MSI2: variants seen among roughly 807,000 people sequenced by gnomAD.
MSI2 encodes RNA-binding protein Musashi homolog 2.
A neutral mutation model predicts 45.6 loss-of-function variants in MSI2; 17 were observed. The observed-to-expected ratio is 0.37, with a 90% CI of 0.26 to 0.56. The LOEUF (loss-of-function observed/expected upper bound fraction) is 0.56, where lower values mean the gene tolerates loss of function less well. MSI2 is among the 20% of genes least tolerant of loss of function. The pLI, the probability that MSI2 is intolerant of heterozygous loss-of-function variation, is 0.77. For missense variants in MSI2, 293 were observed against 444.2 expected (o/e 0.66, Z 3.06); for synonymous variants, 156 against 158.2 (o/e 0.99, Z 0.11).
intron 7 of MSI2, among the ~76,000 whole-genome samples, chr17:57,550,866 G>A (rs998253970): frequency 3.3e-5 from 5 of 152,180 alleles, no homozygotes; most frequent in Non-Finnish European, 7.3e-5. Context: ...ATTCGAGAGT[G>A]TTCTGAATGA....
intron 11 of MSI2, among the ~76,000 whole-genome samples, chr17:57,674,038 T>C (rs1004614507): frequency 2.0e-5 from 3 of 151,706 alleles, no homozygotes; most frequent in Non-Finnish European, 4.4e-5. Flanking sequence ...TGTAGAACCA[T>C]TGGCTTCCAC....
In MSI2 at chr17:57,610,750, G is replaced by A. The variant is rs1219201662; in HGVS notation, c.538-5220G>A. Reference sequence around the variant, plus strand: ...GTTTTGTTCTCTAAAGGAACATGCTGCTGCCCTAGGTGTCCAGGGGCTAGG... The same window carrying A: ...GTTTTGTTCTCTAAAGGAACATGCTACTGCCCTAGGTGTCCAGGGGCTAGG... On this transcript the variant is annotated intron_variant, in intron 8 of 13. Transcript: ENST00000284073. Among the ~76,000 whole-genome samples, 20 of 94,140 alleles carry A rather than the reference G, an allele frequency of 2.1e-4. 6 individuals carry two copies. Among genetic ancestry groups the A allele is most frequent in the African/African-American group, 6.6e-4 (20 of 30,078 alleles). The allele number at this position is 94,140 out of a possible 152,430, so 61.8% of individuals were successfully genotyped here.
At chr17:57,472,008 G>A (rs1261838171) in intron 6 of MSI2, among the ~76,000 whole-genome samples, 3 of 152,150 alleles carry the variant, frequency 2.0e-5, no homozygotes, top group Admixed American at 6.5e-5. Flanking sequence ...GGCTGAGGAC[G>A]GCAGAGCTGA....
intron 6 of MSI2, among the ~76,000 whole-genome samples, chr17:57,517,388 C>A (rs1414886040): frequency 2.4e-4 from 37 of 152,146 alleles, no homozygotes; most frequent in Non-Finnish European, 1.5e-5. Context: ...CAGAATTCTG[C>A]CTTGTGCCAG....
intron 13 of MSI2, among the ~76,000 whole-genome samples, chr17:57,677,583 G>T (rs1393306259): frequency 6.6e-6 from 1 of 152,174 alleles, no homozygotes; most frequent in Non-Finnish European, 1.5e-5. Context: ...CAGTCAAACA[G>T]CCAGACTCCA....
chr17:57,657,977 C>T (rs1911727592), intron 11 of MSI2, among the ~76,000 whole-genome samples: 1 of 152,228 alleles, frequency 6.6e-6, no homozygotes, highest in Non-Finnish European at 1.5e-5. Flanking sequence ...TGCACTGTTT[C>T]TGGCCTCAGA....
intron 8 of MSI2, among the ~76,000 whole-genome samples, chr17:57,597,679 T>C (rs1905391912): frequency 6.6e-6 from 1 of 152,180 alleles, no homozygotes; most frequent in Admixed American, 6.5e-5. Context: ...TCTTGGACTT[T>C]ACATAAACAG....
the MSI2 span, among the ~76,000 whole-genome samples, chr17:57,691,904 C>T: frequency 4.3e-4 from 65 of 152,286 alleles, no homozygotes; most frequent in African/African-American, 1.5e-3. Flanking sequence ...ATCCCTGACT[C>T]ATTCCCTATC....
intron 5 of MSI2, among the ~76,000 whole-genome samples, chr17:57,281,776 C>CT (rs1909442694): frequency 6.6e-6 from 1 of 152,172 alleles, no homozygotes; most frequent in East Asian, 1.9e-4. Context: ...AAAGGGCCTT[C>CT]TGGAGTAAAG....
At chr17:57,422,096 G>T (rs1240319165) in intron 6 of MSI2, among the ~76,000 whole-genome samples, 1 of 152,252 alleles carries the variant, frequency 6.6e-6, no homozygotes, top group East Asian at 1.9e-4. Context: ...TAAATACCAG[G>T]TATTTTAAAT....
intron 5 of MSI2, among the ~76,000 whole-genome samples, chr17:57,361,132 G>A (rs577529882): frequency 5.9e-5 from 9 of 152,140 alleles, no homozygotes; most frequent in Admixed American, 4.6e-4. Flanking sequence ...CAAGGGTTAC[G>A]GCCCCCCTGC....
In MSI2 at chr17:57,262,208, A is replaced by G. The variant is rs140648416; in HGVS notation, c.312+16A>G. 67 of 1,613,894 alleles carry G rather than the reference A, an allele frequency of 4.2e-5. No homozygotes were observed. In the African/African-American group the frequency reaches 8.5e-4, roughly 21 times the overall value. On this transcript the variant is annotated intron_variant, in intron 5 of 13. Coordinates refer to ENST00000284073, the MANE Select transcript of MSI2 (RefSeq NM_138962.4). ...GCAACCCAAGGTAAGTAGGAGAATA[A>G]ACAGTAGGATTTTAGCACTCAGAGA...
At chr17:57,668,444 GA>G (rs1912534838) in intron 11 of MSI2, among the ~76,000 whole-genome samples, 1 of 152,180 alleles carries the variant, frequency 6.6e-6, no homozygotes, top group South Asian at 2.1e-4. Flanking sequence ...CCCTACTTGA[GA>G]CAGGCCAACA....
chr17:57,525,250 A>C (rs989369441), intron 6 of MSI2, among the ~76,000 whole-genome samples: 1 of 151,772 alleles, frequency 6.6e-6, no homozygotes, highest in African/African-American at 2.4e-5. Flanking sequence ...GCTTACCTAA[A>C]TGTTACTTTA....
intron 7 of MSI2, among the ~76,000 whole-genome samples, chr17:57,582,871 A>G (rs567004153): frequency 5.9e-5 from 9 of 152,312 alleles, no homozygotes; most frequent in Admixed American, 4.6e-4. Context: ...AAGTCTGCAG[A>G]TATGAGAGCT....
At chr17:57,644,497 C>T (rs570673381) in intron 10 of MSI2, among the ~76,000 whole-genome samples, 16 of 152,166 alleles carry the variant, frequency 1.1e-4, no homozygotes, top group Admixed American at 7.2e-4. Context: ...CTGGTCTGCC[C>T]GGGAGGTGGG....
intron 6 of MSI2, among the ~76,000 whole-genome samples, chr17:57,472,473 A>G (rs986602293): frequency 6.7e-6 from 1 of 149,526 alleles, no homozygotes; most frequent in African/African-American, 2.5e-5. Context: ...GGGAGGGGCA[A>G]TGCCTTCTGA....
At chr17:57,384,119 A>C (rs541095248) in intron 5 of MSI2, among the ~76,000 whole-genome samples, 1 of 152,200 alleles carries the variant, frequency 6.6e-6, no homozygotes, top group Non-Finnish European at 1.5e-5. Context: ...TGTTATAGTT[A>C]TTGTTGCTGT....
At chr17:57,405,606 T>C (rs1260753054) in intron 6 of MSI2, among the ~76,000 whole-genome samples, 5 of 152,236 alleles carry the variant, frequency 3.3e-5, no homozygotes, top group African/African-American at 9.6e-5. Flanking sequence ...TGGGACTTCA[T>C]GACGCAGGGA....
Sources: allele counts gnomAD v4.1 joint callset (sites outside exome capture counted in the v4.1 genomes callset), GRCh38; gene constraint gnomAD v4.1.1; transcripts MANE v1.5; gene names NCBI Gene and HGNC (gene_info 2026-07-23, HGNC 2026-07-21).